The following KLRG1 variants were observed in gnomAD, a reference collection of about 807,000 sequenced individuals.
KLRG1 encodes killer cell lectin like receptor G1.
In KLRG1, 16 loss-of-function variants were observed where a neutral mutation model predicts 21.8. The ratio of observed to expected loss-of-function variants is 0.73; its 90% CI spans 0.50 to 1.11. KLRG1 has a LOEUF of 1.11. KLRG1 is among the 50% of genes most tolerant of loss of function. The probability of loss-of-function intolerance (pLI) is 0.00; values close to 1 mark genes in which losing one functional copy is unlikely to be tolerated. For synonymous variants in KLRG1, 69 were observed against 75.9 expected (o/e 0.91, Z 0.47); for missense variants, 173 against 218.3 (o/e 0.79, Z 1.31).
the KLRG1 span, among the ~76,000 whole-genome samples, chr12:9,210,499 T>C: frequency 1.3e-5 from 2 of 152,206 alleles, no homozygotes; most frequent in African/African-American, 4.8e-5. Flanking sequence ...AGCTGTTAAA[T>C]ACCCTAAGGG....
At chr12:9,196,159 CTGTT>C in the KLRG1 span, among the ~76,000 whole-genome samples, 8 of 152,066 alleles carry the variant, frequency 5.3e-5, no homozygotes, top group Non-Finnish European at 1.0e-4. Context: ...TAGTATGTGT[CTGTT>C]TGTTTCATCA....
chr12:9,106,694 G>A, the KLRG1 span: 1 of 614,250 alleles, frequency 1.6e-6, no homozygotes, highest in Non-Finnish European at 2.8e-6. Flanking sequence ...TTTTTGTGGG[G>A]GGACAACATC....
chr12:9,139,956 A>G, the KLRG1 span, among the ~76,000 whole-genome samples: 1 of 152,050 alleles, frequency 6.6e-6, no homozygotes, highest in African/African-American at 2.4e-5. Flanking sequence ...GGAGAAGTTT[A>G]TTGTGGGGTT....
chr12:9,140,271 G>T, the KLRG1 span, among the ~76,000 whole-genome samples: 58 of 152,268 alleles, frequency 3.8e-4, no homozygotes, highest in African/African-American at 5.3e-4. Flanking sequence ...AGTAGGGGGG[G>T]GCCCAGGAAT....
chr12:8,993,166 A>T (rs1947027829), intron 2 of KLRG1, among the ~76,000 whole-genome samples: 1 of 150,886 alleles, frequency 6.6e-6, no homozygotes, highest in Admixed American at 6.6e-5. Flanking sequence ...AGGACCTTAA[A>T]TCTGGTGATC....
chr12:8,961,812 G>A (rs1316975886), intron 1 of KLRG1, among the ~76,000 whole-genome samples: 1 of 152,178 alleles, frequency 6.6e-6, no homozygotes, highest in Non-Finnish European at 1.5e-5. Flanking sequence ...CAAGCCAGGT[G>A]TGGTGGCTGT....
the KLRG1 span, chr12:9,069,875 G>GA: frequency 6.0e-5 from 90 of 1,493,680 alleles, no homozygotes; most frequent in Non-Finnish European, 7.9e-5. Flanking sequence ...GGGATCCAGA[G>GA]AAAAAATCTT....
At chr12:9,052,446 G>A in the KLRG1 span, among the ~76,000 whole-genome samples, 1 of 152,200 alleles carries the variant, frequency 6.6e-6, no homozygotes, top group African/African-American at 2.4e-5. Context: ...GGACAATCAC[G>A]CCATGCTGAT....
At chr12:9,071,306 T>A in the KLRG1 span, among the ~76,000 whole-genome samples, 14 of 152,344 alleles carry the variant, frequency 9.2e-5, no homozygotes, top group Non-Finnish European at 1.8e-4. Context: ...TAATGTTTAC[T>A]TAAACACTGG....
chr12:8,986,238 T>C (rs748793247), upstream of KLRG1, among the ~76,000 whole-genome samples: 7 of 152,314 alleles, frequency 4.6e-5, no homozygotes, highest in East Asian at 1.4e-3. Context: ...ACCCTGTTCA[T>C]GTGGTTGAGG....
chr12:9,158,610 T>C, the KLRG1 span: 2 of 1,607,798 alleles, frequency 1.2e-6, no homozygotes, highest in African/African-American at 2.7e-5. Context: ...CTGAGGCTCT[T>C]TTCATTGAGC....
At chr12:9,192,373 G>C in the KLRG1 span, 1 of 1,286,008 alleles carries the variant, frequency 7.8e-7, no homozygotes, top group Non-Finnish European at 1.1e-6. Flanking sequence ...TCAACCTCAA[G>C]AAAACTCATG....
chr12:9,194,725 AAGTGCTGGGATTAC>A, the KLRG1 span, among the ~76,000 whole-genome samples: 2 of 152,092 alleles, frequency 1.3e-5, no homozygotes, highest in African/African-American at 4.8e-5. Flanking sequence ...CGGCCTCCGA[AAGTGCTGGGATTAC>A]AGGCGTGAGC....
chr12:9,159,039 T>C, the KLRG1 span, among the ~76,000 whole-genome samples: 1 of 152,216 alleles, frequency 6.6e-6, no homozygotes, highest in African/African-American at 2.4e-5. Context: ...TTTTTTCCCC[T>C]GTGTTTGCCT....
the KLRG1 span, chr12:9,152,870 C>T: frequency 2.5e-5 from 40 of 1,613,906 alleles, no homozygotes; most frequent in East Asian, 1.1e-4. Flanking sequence ...TTGTGTCCAT[C>T]GCAAGTTTGG....
chr12:9,089,003 G>A, the KLRG1 span, among the ~76,000 whole-genome samples: 1 of 152,212 alleles, frequency 6.6e-6, no homozygotes, highest in African/African-American at 2.4e-5. Context: ...AAAAGATCAA[G>A]ACTCAGAATG....
At chr12:9,102,554 C>A in the KLRG1 span, among the ~76,000 whole-genome samples, 1 of 152,134 alleles carries the variant, frequency 6.6e-6, no homozygotes, top group South Asian at 2.1e-4. Context: ...AATCTGGATT[C>A]TAATACCTCA....
the KLRG1 span, chr12:9,090,294 A>G: frequency 6.2e-7 from 1 of 1,608,870 alleles, no homozygotes. Flanking sequence ...ACTCAATATA[A>G]GGTTCCCACT....
chr12:9,014,171 G>A (rs1947668461), downstream of KLRG1, among the ~76,000 whole-genome samples: 1 of 152,110 alleles, frequency 6.6e-6, no homozygotes, highest in Admixed American at 6.6e-5. Context: ...AGGAGGTAGA[G>A]ACAGAGACTG....
Sources: gnomAD v4.1 joint callset for allele counts (sites outside exome capture counted in the v4.1 genomes callset) on GRCh38, gnomAD v4.1.1 for gene constraint, MANE v1.5 for transcripts, NCBI Gene and HGNC (gene_info 2026-07-23, HGNC 2026-07-21) for gene names.